ANK3: variants seen among roughly 807,000 people sequenced by gnomAD.
ANK3 encodes the protein ankyrin 3, also known as ankyrin-3.
ANK3 carries 57 observed loss-of-function variants against 370.9 expected under a neutral mutation model. That is an observed-to-expected ratio of 0.15 (90% CI 0.12 to 0.19). ANK3 has a LOEUF of 0.19. Ranked by LOEUF, ANK3 falls within the 10% of genes least tolerant of loss-of-function variation. The probability of loss-of-function intolerance (pLI) is 1.00; values close to 1 mark genes in which losing one functional copy is unlikely to be tolerated. For missense variants in ANK3, 4,439 were observed against 5,302.1 expected (o/e 0.84, Z 5.06); for synonymous variants, 1,929 against 1,946.3 (o/e 0.99, Z 0.23).
intron 1 of ANK3, among the ~76,000 whole-genome samples, chr10:60,311,646 T>A (rs1158821492): frequency 6.6e-6 from 1 of 152,142 alleles, no homozygotes; most frequent in Admixed American, 6.6e-5. Flanking sequence ...TGCCTCTAAT[T>A]TATGCTCCAG....
intron 7 of ANK3, among the ~76,000 whole-genome samples, chr10:60,245,354 G>GAC (rs2097537533): frequency 1.5e-5 from 1 of 66,408 alleles, no homozygotes; most frequent in Non-Finnish European, 3.3e-5. Context: ...TATTAAGATT[G>GAC]ACATATAATT....
chr10:60,404,513 C>T (rs968721429), intron 2 of ANK3, among the ~76,000 whole-genome samples: 2 of 152,066 alleles, frequency 1.3e-5, no homozygotes, highest in South Asian at 4.1e-4. Context: ...TGTAAAACAA[C>T]AGAATACCCA....
At chr10:60,048,728 C>T (rs1458185304) in intron 42 of ANK3, among the ~76,000 whole-genome samples, 1 of 152,078 alleles carries the variant, frequency 6.6e-6, no homozygotes, top group African/African-American at 2.4e-5. Flanking sequence ...GTGGAATGCC[C>T]AGATATGGAG....
chr10:60,069,996 G>C lies in ANK3; in HGVS notation c.10885C>G (p.Leu3629Val). 1 of 1,614,040 alleles carries C rather than the reference G, an allele frequency of 6.2e-7. No homozygotes were observed. Among genetic ancestry groups the C allele is most frequent in the Non-Finnish European group, 8.5e-7 (1 of 1,179,998 alleles). The change falls in exon 37 of 44, where the codon CTC becomes GTC. Residue 3629 changes from leucine (L) to valine (V), a missense_variant. This residue lies in a region of ANK3 where 496 missense variants were observed against 529.3 expected (regional missense o/e 0.94). Transcript: ENST00000280772. Reference sequence around the variant, plus strand: ...TGCTCACCAATCTGGAAAAATTGGAGCCTCTCTTCAACAAAATCCCTCTTG... The same window carrying C: ...TGCTCACCAATCTGGAAAAATTGGACCCTCTCTTCAACAAAATCCCTCTTG... The part of the protein sequence containing the change: ...MSKRDFVEER[L>V]QFFQIGEHTS...
At chr10:60,180,532 G>A (rs2096130359) in intron 18 of ANK3, among the ~76,000 whole-genome samples, 1 of 140,822 alleles carries the variant, frequency 7.1e-6, no homozygotes, top group Non-Finnish European at 1.5e-5. Context: ...GGAGGTGGAG[G>A]TTGCAGTGAG....
At chr10:60,276,155 C>T (rs1288252303) in intron 4 of ANK3, among the ~76,000 whole-genome samples, 1 of 152,086 alleles carries the variant, frequency 6.6e-6, no homozygotes, top group East Asian at 1.9e-4. Flanking sequence ...AAGATGAGAA[C>T]TTGATATTGC....
intron 2 of ANK3, among the ~76,000 whole-genome samples, chr10:60,492,253 A>C (rs2075527028): frequency 1.3e-5 from 2 of 152,234 alleles, no homozygotes; most frequent in Non-Finnish European, 2.9e-5. Context: ...CTCATAAAGC[A>C]ATGTGTGATG....
intron 17 of ANK3, among the ~76,000 whole-genome samples, chr10:60,182,163 T>G (rs1468792831): frequency 6.6e-6 from 1 of 152,126 alleles, no homozygotes; most frequent in East Asian, 1.9e-4. Flanking sequence ...TTAAATGATA[T>G]CTGTTTACAA....
chr10:60,444,428 A>ATGTGTG (rs1567045945), intron 2 of ANK3, among the ~76,000 whole-genome samples: 1 of 122,356 alleles, frequency 8.2e-6, no homozygotes, highest in African/African-American at 3.3e-5. Flanking sequence ...TATATAACAT[A>ATGTGTG]CGTGTGTGTG....
intron 21 of ANK3, among the ~76,000 whole-genome samples, chr10:60,170,833 A>T (rs1337347607): frequency 6.6e-6 from 1 of 152,136 alleles, no homozygotes; most frequent in Non-Finnish European, 1.5e-5. Context: ...TTGATTTTGA[A>T]GAAAAGTTTT....
At position 60,222,249 on chromosome 10, in the gene ANK3, C is replaced by T. The variant is rs150046020; in HGVS notation, c.898-8739G>A. Among the ~76,000 whole-genome samples the T allele has an allele frequency of 2.4e-3, 372 of 152,246 alleles. 1 individual carries two copies. Among genetic ancestry groups the T allele is most frequent in the African/African-American group, 8.6e-3 (356 of 41,538 alleles). On this transcript the variant is annotated intron_variant, in intron 8 of 43. Transcript: ENST00000280772. ...TGCGACTGCCTGGCTGCACAGGCAGCGCTGGCCCAGCTGCTGGGACATTGA... is the reference window on the plus strand; with the variant it reads ...TGCGACTGCCTGGCTGCACAGGCAGTGCTGGCCCAGCTGCTGGGACATTGA...
intron 2 of ANK3, among the ~76,000 whole-genome samples, chr10:60,467,351 C>T (rs1164511698): frequency 6.6e-6 from 1 of 152,134 alleles, no homozygotes; most frequent in East Asian, 1.9e-4. Context: ...CCCCATACTG[C>T]CACTCTAGAA....
intron 1 of ANK3, among the ~76,000 whole-genome samples, chr10:60,725,633 A>G (rs375690055): frequency 1.2e-3 from 179 of 152,330 alleles, no homozygotes; most frequent in African/African-American, 4.1e-3. Context: ...TTTCAATAAA[A>G]TGAGACTCTC....
chr10:60,090,732 C>T (rs960872984), intron 28 of ANK3, among the ~76,000 whole-genome samples: 3 of 152,220 alleles, frequency 2.0e-5, no homozygotes, highest in Non-Finnish European at 4.4e-5. Flanking sequence ...ACACCCACTT[C>T]TTGGATTAGC....
At chr10:60,678,782 A>C (rs1308029389) in intron 1 of ANK3, among the ~76,000 whole-genome samples, 1 of 152,222 alleles carries the variant, frequency 6.6e-6, no homozygotes, top group Admixed American at 6.5e-5. Flanking sequence ...AGGCAAATTA[A>C]TGCAGTTCTG....
intron 1 of ANK3, among the ~76,000 whole-genome samples, chr10:60,632,704 C>T (rs1429893139): frequency 1.3e-5 from 2 of 152,144 alleles, no homozygotes; most frequent in Non-Finnish European, 2.9e-5. Context: ...CTGGGCAACA[C>T]AGTGAGAACC....
intron 42 of ANK3, among the ~76,000 whole-genome samples, chr10:60,047,279 A>G (rs1454810699): frequency 1.3e-5 from 2 of 152,184 alleles, no homozygotes; most frequent in East Asian, 3.9e-4. Flanking sequence ...TGGTGACGGT[A>G]TTAATGAAAA....
At chr10:60,408,746 T>C (rs2063502339) in intron 2 of ANK3, among the ~76,000 whole-genome samples, 1 of 152,154 alleles carries the variant, frequency 6.6e-6, no homozygotes, top group Admixed American at 6.5e-5. Flanking sequence ...CCCGAGTGCA[T>C]ACACAGAAAA....
rs1459856086 is a variant in ANK3 at position 60,029,081 on chromosome 10, T to A, written c.*765A>T. 1 of 152,648 alleles carries A rather than the reference T, an allele frequency of 6.6e-6. No individual in the cohort carries two copies. Among genetic ancestry groups the A allele is most frequent in the Non-Finnish European group, 1.5e-5 (1 of 68,044 alleles). The allele number at this position is 152,648 out of a possible 1,614,324, so 9.5% of individuals were successfully genotyped here. ...CACAGAACTACAGAATTCCTCATTT[T>A]GGGAATTATTTAAATTTGCAGCAGA... On this transcript the variant is annotated 3_prime_UTR_variant, in exon 44 of 44. Transcript: ENST00000280772.
Sources: gnomAD v4.1 joint callset for allele counts (sites outside exome capture counted in the v4.1 genomes callset) on GRCh38, gnomAD v4.1.1 for gene constraint, gnomAD v4.1.1 regional missense constraint, MANE v1.5 for transcripts, NCBI Gene and HGNC (gene_info 2026-07-23, HGNC 2026-07-21) for gene names.